PCDHA7: variants seen among roughly 807,000 people sequenced by gnomAD.
PCDHA7 encodes the protein protocadherin alpha-7.
A neutral mutation model predicts 57.2 loss-of-function variants in PCDHA7; 37 were observed. The ratio of observed to expected loss-of-function variants is 0.65; its 90% CI spans 0.50 to 0.85. The LOEUF (loss-of-function observed/expected upper bound fraction) is 0.85. Among genes scored for constraint, PCDHA7 ranks in the 40% least tolerant of loss-of-function variants. The probability of loss-of-function intolerance (pLI) is 0.00; values close to 1 mark genes in which losing one functional copy is unlikely to be tolerated. For synonymous variants in PCDHA7, 553 were observed against 558.8 expected, an observed-to-expected ratio of 0.99 and a Z score of 0.15; for missense variants, 1,188 against 1,241.8, an observed-to-expected ratio of 0.96 and a Z score of 0.65.
intron 1 of PCDHA7, chr5:140,929,269 A>G (rs138062218): frequency 3.0e-5 from 49 of 1,611,106 alleles, no homozygotes; most frequent in African/African-American, 5.3e-5. Context: ...GAATTTGCCA[A>G]TATCCTGTAT....
chr5:140,873,571 TGTTTAA>T (rs141288581), intron 1 of PCDHA7, among the ~76,000 whole-genome samples: 18,659 of 152,254 alleles, frequency 0.12, 1,208 homozygotes, highest in Middle Eastern at 0.19. Flanking sequence ...CTAGTTTGGT[TGTTTAA>T]GTATTAAGCT....
At chr5:140,983,226 T>C (rs892083218) in intron 3 of PCDHA7, among the ~76,000 whole-genome samples, 1 of 152,216 alleles carries the variant, frequency 6.6e-6, no homozygotes, top group Non-Finnish European at 1.5e-5. Context: ...ATCCAAACTT[T>C]CAGGAAAGAG....
At chr5:140,922,565 C>G (rs1334011438) in intron 1 of PCDHA7, among the ~76,000 whole-genome samples, 1 of 152,150 alleles carries the variant, frequency 6.6e-6, no homozygotes, top group Non-Finnish European at 1.5e-5. Context: ...GTCAGGATGA[C>G]AAGTTGCCCT....
At chr5:140,886,742 C>T (rs2061110620) in intron 1 of PCDHA7, among the ~76,000 whole-genome samples, 1 of 149,008 alleles carries the variant, frequency 6.7e-6, no homozygotes, top group Non-Finnish European at 1.5e-5. Flanking sequence ...AAGAGAATTG[C>T]TTGAACCCGG....
chr5:141,004,037 G>C (rs946974688), intron 3 of PCDHA7, among the ~76,000 whole-genome samples: 1 of 152,200 alleles, frequency 6.6e-6, no homozygotes, highest in African/African-American at 2.4e-5. Context: ...TTCCTTGATT[G>C]ATCATTTGCT....
chr5:140,986,397 C>G (rs943993265), intron 3 of PCDHA7, among the ~76,000 whole-genome samples: 1 of 152,162 alleles, frequency 6.6e-6, no homozygotes. Context: ...AAGGGCCAGT[C>G]GCTCATGTTA....
At position 140,851,080 on chromosome 5, in the gene PCDHA7, T is replaced by C. The variant is rs1329158388; in HGVS notation, c.2355+14342T>C. On this transcript the variant is annotated intron_variant, in intron 1 of 3. Coordinates refer to ENST00000525929, the MANE Select transcript of PCDHA7 (RefSeq NM_018910.3). ...GACTTCTAGTGAGAATTATAAACTGTATATTAAATAGATATTTTTTGGGTG... is the reference window on the plus strand; with the variant it reads ...GACTTCTAGTGAGAATTATAAACTGCATATTAAATAGATATTTTTTGGGTG... 5 of 1,302,950 alleles carry C rather than the reference T, an allele frequency of 3.8e-6. No individual in the cohort carries two copies. In the African/African-American group the frequency reaches 6.1e-5, roughly 16 times the overall value. The allele number at this position is 1,302,950 out of a possible 1,614,324, so 80.7% of individuals were successfully genotyped here.
chr5:140,871,152 G>T lies in PCDHA7; in HGVS notation c.2355+34414G>T, dbSNP rs376980257. 913 of 1,613,436 alleles carry T rather than the reference G, an allele frequency of 5.7e-4. 8 individuals carry two copies. In the South Asian group the frequency reaches 9.3e-3, roughly 16 times the overall value. Reference sequence around the variant, plus strand: ...CAAAGGCCTCTTCCCGGACTTTGGCGGGCGCCGCGAGCCCAGAGGCTGCGC... The same window carrying T: ...CAAAGGCCTCTTCCCGGACTTTGGCTGGCGCCGCGAGCCCAGAGGCTGCGC... On this transcript the variant is annotated intron_variant, in intron 1 of 3. Transcript: ENST00000525929.
chr5:140,864,153 T>C (rs1209982386), intron 1 of PCDHA7: 8 of 152,216 alleles, frequency 5.3e-5, no homozygotes, highest in African/African-American at 1.9e-4. Context: ...AATGAGAAAG[T>C]TAAATCTTAC....
chr5:141,008,871 C>T (rs1249220900), intron 3 of PCDHA7, among the ~76,000 whole-genome samples: 2 of 152,168 alleles, frequency 1.3e-5, no homozygotes, highest in African/African-American at 4.8e-5. Context: ...TGCTGCATCC[C>T]ACCACCCTTC....
At chr5:140,924,588 T>C (rs2081910916) in intron 1 of PCDHA7, among the ~76,000 whole-genome samples, 1 of 152,212 alleles carries the variant, frequency 6.6e-6, no homozygotes, top group East Asian at 1.9e-4. Context: ...TCAAATATTA[T>C]AGAAATATGC....
chr5:141,000,421 ATTTTT>A (rs34755515), intron 3 of PCDHA7, among the ~76,000 whole-genome samples: 89 of 27,938 alleles, frequency 3.2e-3, no homozygotes, highest in East Asian at 4.2e-3. Flanking sequence ...ATATATATAT[ATTTTT>A]TTTTTTTTTT....
intron 1 of PCDHA7, chr5:140,877,539 C>G (rs1562735979): frequency 2.5e-6 from 4 of 1,613,788 alleles, no homozygotes; most frequent in South Asian, 1.1e-5. Flanking sequence ...CTGTGGATCC[C>G]GAAGCGGCTC....
At chr5:140,873,265 T>A (rs2054186823) in intron 1 of PCDHA7, among the ~76,000 whole-genome samples, 1 of 152,228 alleles carries the variant, frequency 6.6e-6, no homozygotes, top group South Asian at 2.1e-4. Context: ...CAAAAGTGAT[T>A]AAACCATCAT....
chr5:140,983,901 AT>A (rs782712573), intron 3 of PCDHA7, among the ~76,000 whole-genome samples: 20 of 152,338 alleles, frequency 1.3e-4, no homozygotes, highest in Non-Finnish European at 2.6e-4. Context: ...GCATTCGTTG[AT>A]TCTAATCAGC....
rs2150440099 is a variant in PCDHA7 at position 140,849,547 on chromosome 5, C to T, written c.2355+12809C>T. The T allele has an allele frequency of 7.5e-5, 120 of 1,598,270 alleles. 12 individuals are homozygous for T. Among genetic ancestry groups the T allele is most frequent in the Non-Finnish European group, 6.2e-5 (72 of 1,167,888 alleles). ...GTAAATGACAATGCTCCACAGTTGA[C>T]TATCAAAACGCTCTCGGTTCCTGTA... On this transcript the variant is annotated intron_variant, in intron 1 of 3. Coordinates refer to ENST00000525929, the MANE Select transcript of PCDHA7 (RefSeq NM_018910.3).
intron 1 of PCDHA7, among the ~76,000 whole-genome samples, chr5:140,935,903 T>TTC (rs1289164766): frequency 4.6e-4 from 69 of 151,456 alleles, no homozygotes; most frequent in African/African-American, 1.6e-3. Flanking sequence ...TCTTTTTTTT[T>TTC]TTTTTTTGAG....
At position 140,927,248 on chromosome 5, in the gene PCDHA7, A is replaced by T. The variant is rs572200211; in HGVS notation, c.2356-51701A>T. On this transcript the variant is annotated intron_variant, in intron 1 of 3. Transcript: ENST00000525929. The stretch of plus-strand genomic sequence containing the variant: ...CGGATTCACGTCCTGGACACCAATG[A>T]CAACTCACCTCTCTTTCCTGCCGGC... 3.5e-5 allele frequency: 56 copies of T among 1,614,064 alleles called. No homozygotes were observed. The South Asian group carries it at 5.7e-4, about 16-fold the overall frequency.
intron 1 of PCDHA7, among the ~76,000 whole-genome samples, chr5:140,879,151 T>C (rs1409921025): frequency 6.6e-6 from 1 of 152,216 alleles, no homozygotes; most frequent in Non-Finnish European, 1.5e-5. Flanking sequence ...GCAGGAAAGC[T>C]ATTTCTTTTT....
Sources: allele counts gnomAD v4.1 joint callset (sites outside exome capture counted in the v4.1 genomes callset), GRCh38; gene constraint gnomAD v4.1.1; transcripts MANE v1.5; gene names NCBI Gene and HGNC (gene_info 2026-07-23, HGNC 2026-07-21).